Variants in MAD1L1 observed in about 807,000 individuals in gnomAD.
The protein encoded by MAD1L1 is mitotic arrest deficient 1 like 1.
Under a neutral mutation model 96.9 loss-of-function variants are expected in MAD1L1, and 95 were observed. The observed-to-expected ratio is 0.98, with a 90% CI of 0.83 to 1.16. The LOEUF (loss-of-function observed/expected upper bound fraction) is 1.16. Ranked by LOEUF, MAD1L1 falls within the 50% of genes most tolerant of loss-of-function variation. MAD1L1 has a pLI of 0.00. For missense variants in MAD1L1, 1,007 were observed against 954.4 expected (o/e 1.06, Z -0.73); for synonymous variants, 473 against 396.6 (o/e 1.19, Z -2.29).
At chr7:2,188,653 G>A (rs761478629) in intron 10 of MAD1L1, among the ~76,000 whole-genome samples, 21 of 151,994 alleles carry the variant, frequency 1.4e-4, no homozygotes, top group Admixed American at 2.6e-4. Context: ...AATGAAGTTG[G>A]GCCCTTAAAC....
chr7:2,155,546 G>A (rs530602338), intron 10 of MAD1L1, among the ~76,000 whole-genome samples: 2 of 152,224 alleles, frequency 1.3e-5, no homozygotes, highest in African/African-American at 2.4e-5. Flanking sequence ...CCAGCCACAT[G>A]AGTGGAGCCA....
At chr7:2,220,051 C>T (rs1793511970) in intron 5 of MAD1L1, among the ~76,000 whole-genome samples, 1 of 152,236 alleles carries the variant, frequency 6.6e-6, no homozygotes. Flanking sequence ...ACCGTGGCTC[C>T]TGTCATCCCT....
chr7:2,005,350 G>A (rs11983163), intron 13 of MAD1L1, among the ~76,000 whole-genome samples: 1 of 152,056 alleles, frequency 6.6e-6, no homozygotes, highest in African/African-American at 2.4e-5. Context: ...GCCTGCATTA[G>A]GGGGGTTACA....
chr7:1,888,476 T>A (rs1317354875), intron 18 of MAD1L1, among the ~76,000 whole-genome samples: 2 of 139,894 alleles, frequency 1.4e-5, no homozygotes, highest in African/African-American at 2.8e-5. Flanking sequence ...GGCTGCCTGT[T>A]CATGTGTGCA....
At chr7:1,921,188 G>A (rs1357785826) in intron 17 of MAD1L1, among the ~76,000 whole-genome samples, 1 of 152,226 alleles carries the variant, frequency 6.6e-6, no homozygotes, top group Non-Finnish European at 1.5e-5. Flanking sequence ...GCGGCCCTGA[G>A]GCGCCCTTCC....
At chr7:2,014,479 GC>G (rs769760025) in intron 13 of MAD1L1, 22 bp downstream of exon 13, 2 of 1,539,260 alleles carry the variant, frequency 1.3e-6, no homozygotes, top group African/African-American at 2.7e-5. Context: ...GGCGACGTGA[GC>G]CCCACGCCCG....
intron 15 of MAD1L1, among the ~76,000 whole-genome samples, chr7:1,970,333 T>A (rs1780349374): frequency 8.3e-6 from 1 of 120,070 alleles, no homozygotes; most frequent in Admixed American, 8.0e-5. Context: ...AATTTTTACT[T>A]TTTTTTTTTT....
chr7:2,204,224 C>A (rs1792467278), intron 10 of MAD1L1, among the ~76,000 whole-genome samples: 2 of 152,174 alleles, frequency 1.3e-5, no homozygotes, highest in South Asian at 4.1e-4. Flanking sequence ...CTGGCTTAAA[C>A]AGCACCCCCA....
At position 2,044,208 on chromosome 7, in the gene MAD1L1, C is replaced by A. The variant is rs192927219; in HGVS notation, c.1218+24986G>T. Among the ~76,000 whole-genome samples the A allele has an allele frequency of 2.3e-3, 348 of 152,350 alleles. 1 individual carries two copies. The highest frequency in any genetic ancestry group is 3.5e-3 in the Non-Finnish European group (241 of 68,030). ...GGTCCTGATCCAAGGGTCACTCTTG[C>A]TCATTCCTCCCAACTTGTTCAGTCC... On this transcript the variant is annotated intron_variant, in intron 12 of 18. Coordinates refer to ENST00000265854, the MANE Select transcript of MAD1L1 (RefSeq NM_001013836.2).
At chr7:1,976,551 G>C (rs1168170881) in intron 15 of MAD1L1, among the ~76,000 whole-genome samples, 1 of 152,246 alleles carries the variant, frequency 6.6e-6, no homozygotes, top group East Asian at 1.9e-4. Context: ...AGAGTGAGCA[G>C]CAGCAAGATT....
At chr7:2,171,598 ACG>A (rs1420109494) in intron 10 of MAD1L1, among the ~76,000 whole-genome samples, 18 of 151,530 alleles carry the variant, frequency 1.2e-4, no homozygotes, top group African/African-American at 4.4e-4. Flanking sequence ...GAGATGGGCC[ACG>A]TATGGGTCAC....
chr7:1,953,087 C>T (rs1166055908), intron 16 of MAD1L1, among the ~76,000 whole-genome samples: 1 of 152,080 alleles, frequency 6.6e-6, no homozygotes, highest in African/African-American at 2.4e-5. Flanking sequence ...CTGGGGGCCA[C>T]AGGGATGGCA....
At chr7:1,850,840 G>A (rs989657806) in intron 18 of MAD1L1, among the ~76,000 whole-genome samples, 1 of 152,184 alleles carries the variant, frequency 6.6e-6, no homozygotes, top group African/African-American at 2.4e-5. Flanking sequence ...TCAGAACTAG[G>A]AGCTCCTCCC....
intron 16 of MAD1L1, among the ~76,000 whole-genome samples, chr7:1,945,787 C>CGTGGCT (rs1014983025): frequency 6.6e-6 from 1 of 152,186 alleles, no homozygotes; most frequent in South Asian, 2.1e-4. Context: ...CTCTGCATGG[C>CGTGGCT]GTGGCTGTGG....
intron 12 of MAD1L1, among the ~76,000 whole-genome samples, chr7:2,052,999 ACGGGTGGGTGCCGCCT>A (rs1784248952): frequency 6.6e-6 from 1 of 152,106 alleles, no homozygotes. Flanking sequence ...TGAGGAGGGA[ACGGGTGGGTGCCGCCT>A]CCAGTGCCTG....
At chr7:1,932,261 G>A (rs1276967609) in intron 17 of MAD1L1, among the ~76,000 whole-genome samples, 1 of 152,144 alleles carries the variant, frequency 6.6e-6, no homozygotes, top group Non-Finnish European at 1.5e-5. Flanking sequence ...AGAACCTCTG[G>A]CCTGTTCTGG....
chr7:1,874,405 G>A (rs958710666), intron 18 of MAD1L1: 5 of 411,080 alleles, frequency 1.2e-5, no homozygotes, highest in African/African-American at 6.3e-5. Context: ...GGGGTAAGAC[G>A]GTGGCCAGGC....
At position 2,216,165 on chromosome 7, in the gene MAD1L1, C is replaced by G; in HGVS notation, c.801G>C (p.Ala267=). 2 of 1,612,730 alleles carry G rather than the reference C, an allele frequency of 1.2e-6. No homozygotes were observed. Among genetic ancestry groups the G allele is most frequent in the South Asian group, 2.2e-5 (2 of 90,962 alleles). Residue 267 remains alanine (A), a synonymous_variant, in exon 8 of 19, where the codon GCG becomes GCC. Transcript: ENST00000265854. ...CCCCCGCAACCCCTCACCGCAGGTG[C>G]GCGCTCTCCTCCCGCAGCTGCTTCA... ...RELKQLREES[A]HLREMRETNG... is the part of the protein sequence containing the mutation.
At position 2,117,892 on chromosome 7, in the gene MAD1L1, G is replaced by A. The variant is rs369755379; in HGVS notation, c.1073+31260C>T. On this transcript the variant is annotated intron_variant, in intron 11 of 18. Transcript: ENST00000265854. ...CCACAGGGCCCCACTGGCCTTTGGC[G>A]CAAAGCAACTCACTTGTATCCACAA... is the stretch of plus-strand genomic sequence containing the variant. Among the ~76,000 whole-genome samples the A allele has an allele frequency of 7.9e-5, 12 of 152,242 alleles. No individual in the cohort carries two copies. The East Asian group carries it at 2.1e-3, about 27-fold the overall frequency.
Sources: gnomAD v4.1 joint callset for allele counts (sites outside exome capture counted in the v4.1 genomes callset) on GRCh38, gnomAD v4.1.1 for gene constraint, MANE v1.5 for transcripts, NCBI Gene and HGNC (gene_info 2026-07-23, HGNC 2026-07-21) for gene names.